Variants in SEPTIN12 observed in about 807,000 individuals in gnomAD.
SEPTIN12 encodes septin-12.
Under a neutral mutation model 37.7 loss-of-function variants are expected in SEPTIN12, and 42 were observed. That is an observed-to-expected ratio of 1.11 (90% CI 0.87 to 1.44). SEPTIN12 has a LOEUF of 1.44. SEPTIN12 is among the 40% of genes most tolerant of loss of function. SEPTIN12 has a pLI of 0.00. For missense variants in SEPTIN12, 613 were observed against 479.2 expected, an observed-to-expected ratio of 1.28 and a Z score of -2.61; for synonymous variants, 254 against 196.7, an observed-to-expected ratio of 1.29 and a Z score of -2.44.
rs766138471 is a variant in SEPTIN12 at position 4,777,875 on chromosome 16, G to A, written c.999C>T (p.Ala333=). ...GGGGGGTGGTCAGCTGTCCTGGGGA[G>A]GCCGGGGCCAGGTTCACCCAGCCGG... The part of the protein sequence containing the change: ...RGPGWVNLAP[A]SPGQLTTPRT... Residue 333 remains alanine (A), a synonymous_variant, in exon 10 of 10, where the codon GCC becomes GCT. Coordinates refer to ENST00000268231, the MANE Select transcript of SEPTIN12 (RefSeq NM_144605.5). The A allele has an allele frequency of 3.1e-6, 5 of 1,597,406 alleles. No individual in the cohort carries two copies. The South Asian group carries it at 3.4e-5, about 11-fold the overall frequency.
chr16:4,779,601 T>C (rs79848476), intron 8 of SEPTIN12, 89 bp downstream of exon 8: 35,972 of 810,074 alleles, frequency 0.044, 953 homozygotes, highest in Middle Eastern at 0.081. Flanking sequence ...CACCTTTCTG[T>C]GCCCTGTGAT....
At chr16:4,785,671 G>A (rs1451233577) in intron 4 of SEPTIN12, 136 bp downstream of exon 4, 5 of 652,004 alleles carry the variant, frequency 7.7e-6, no homozygotes, top group Non-Finnish European at 1.3e-5. Flanking sequence ...CAGCTACTTC[G>A]GGAGGCTGAG....
intron 8 of SEPTIN12, 115 bp from the exon 9 acceptor site, chr16:4,778,252 C>G: frequency 1.9e-6 from 2 of 1,070,822 alleles, no homozygotes; most frequent in Non-Finnish European, 2.8e-6. Context: ...TCTCTTTACC[C>G]TATCCTGCCT....
chr16:4,782,023 T>A (rs1391934963), intron 7 of SEPTIN12, among the ~76,000 whole-genome samples: 1 of 141,252 alleles, frequency 7.1e-6, no homozygotes, highest in Admixed American at 7.6e-5. Context: ...CAATCTCTGC[T>A]CACTGCAACC....
chr16:4,777,684 A>C lies in SEPTIN12; in HGVS notation c.*113T>G. On this transcript the variant is annotated 3_prime_UTR_variant, in exon 10 of 10. Coordinates refer to ENST00000268231, the MANE Select transcript of SEPTIN12 (RefSeq NM_144605.5). ...ACAAAATGCCTTTTGTTTTCAAAGC[A>C]CAGCTTTTCATAAAAAGCAAGGCTC... The C allele has an allele frequency of 1.2e-6, 1 of 836,078 alleles. No individual in the cohort carries two copies. The highest frequency in any genetic ancestry group is 1.7e-5 in the African/African-American group (1 of 58,246). 51.8% of individuals were successfully genotyped at this position (836,078 alleles called of 1,614,324 possible).
intron 8 of SEPTIN12, 137 bp downstream of exon 8, chr16:4,779,553 G>C: frequency 1.4e-6 from 1 of 690,772 alleles, no homozygotes; most frequent in Non-Finnish European, 2.6e-6. Flanking sequence ...CAGCTGGAAA[G>C]AGGGACCATT....
At chr16:4,785,090 A>C (rs968902580) in intron 4 of SEPTIN12, among the ~76,000 whole-genome samples, 1 of 151,660 alleles carries the variant, frequency 6.6e-6, no homozygotes, top group African/African-American at 2.4e-5. Context: ...CTACTAAATA[A>C]ATTCAAAAAA....
intron 2 of SEPTIN12, among the ~76,000 whole-genome samples, chr16:4,786,812 ATTTT>A (rs1224035922): frequency 6.6e-6 from 1 of 151,888 alleles, no homozygotes; most frequent in African/African-American, 2.4e-5. Context: ...TGCCTGGCTA[ATTTT>A]TAAATTTTTT....
upstream of SEPTIN12, chr16:4,788,463 C>T (rs1362950857): frequency 6.6e-6 from 1 of 152,288 alleles, no homozygotes; most frequent in East Asian, 1.9e-4. Flanking sequence ...CCCTTCTAAT[C>T]CCCACAATGA....
chr16:4,785,160 G>C (rs2082422685), intron 4 of SEPTIN12, among the ~76,000 whole-genome samples: 1 of 152,072 alleles, frequency 6.6e-6, no homozygotes, highest in Non-Finnish European at 1.5e-5. Flanking sequence ...TGAGGCAGGA[G>C]AATTGCTTGA....
rs770579576 is a variant in SEPTIN12 at position 4,787,646 on chromosome 16, G to C, written c.-1C>G. The C allele has an allele frequency of 2.6e-6, 4 of 1,560,490 alleles. No homozygotes were observed. The Admixed American group carries it at 7.0e-5, about 27-fold the overall frequency. ...AGGGGGAGCGCCTCAGGGGGTCCATGGGGGCCAAGGGTTCGAGATGCCTGT... is the reference window on the plus strand; with the variant it reads ...AGGGGGAGCGCCTCAGGGGGTCCATCGGGGCCAAGGGTTCGAGATGCCTGT... On this transcript the variant is annotated 5_prime_UTR_variant, in exon 2 of 10. Coordinates refer to ENST00000268231, the MANE Select transcript of SEPTIN12 (RefSeq NM_144605.5).
upstream of SEPTIN12, among the ~76,000 whole-genome samples, chr16:4,791,143 C>G (rs964304237): frequency 6.6e-6 from 1 of 152,214 alleles, no homozygotes; most frequent in Non-Finnish European, 1.5e-5. Context: ...CCCATGTGAG[C>G]GATGGTCTAA....
chr16:4,779,037 C>T (rs1297764999), intron 8 of SEPTIN12, among the ~76,000 whole-genome samples: 6 of 151,844 alleles, frequency 4.0e-5, no homozygotes, highest in African/African-American at 9.7e-5. Context: ...CTTTGGGAGG[C>T]TGAGACAGGA....
In SEPTIN12 at chr16:4,787,086, G is replaced by A. The variant is rs551238958; in HGVS notation, c.166+394C>T. Among the ~76,000 whole-genome samples the A allele has an allele frequency of 1.7e-4, 26 of 152,142 alleles. No individual in the cohort carries two copies. In the East Asian group the frequency reaches 4.8e-3, roughly 28 times the overall value. On this transcript the variant is annotated intron_variant, in intron 2 of 9. Transcript: ENST00000268231. ...AGACGGAGTTTCCCCATGTTGGCCA[G>A]GCTGTTTTCGAACTCCTGACCTCAA...
chr16:4,787,664 A>T lies in SEPTIN12; in HGVS notation c.-19T>A. 1 of 1,478,316 alleles carries T rather than the reference A, an allele frequency of 6.8e-7. No homozygotes were observed. The highest frequency in any genetic ancestry group is 9.2e-7 in the Non-Finnish European group (1 of 1,085,022). The allele number at this position is 1,478,316 out of a possible 1,614,324, so 91.6% of individuals were successfully genotyped here. On this transcript the variant is annotated 5_prime_UTR_variant, in exon 2 of 10. Transcript: ENST00000268231. ...GGTCCATGGGGGCCAAGGGTTCGAG[A>T]TGCCTGTCACCAGGTGGGTGGGGAG...
Position 4,783,575 on chromosome 16 carries a change from GT to G in SEPTIN12, c.631-19del. The stretch of plus-strand genomic sequence containing the variant: ...TGCTGGATCTGGAGATCCCACACAG[GT>G]GACCTCAGCCCACCCTGCCCACTCT... On this transcript the variant is annotated intron_variant, in intron 6 of 9. Coordinates refer to ENST00000268231, the MANE Select transcript of SEPTIN12 (RefSeq NM_144605.5). The G allele has an allele frequency of 6.2e-7, 1 of 1,613,202 alleles. No homozygotes were observed. The highest frequency in any genetic ancestry group is 8.5e-7 in the Non-Finnish European group (1 of 1,179,204).
chr16:4,779,447 C>T lies in SEPTIN12; in HGVS notation c.823+243G>A, dbSNP rs78412937. On this transcript the variant is annotated intron_variant, in intron 8 of 9. Transcript: ENST00000268231. ...GGCATTGTGCAAAATGGTGGTTCTC[C>T]CCGCTCCAACACCCTAGGAAGTTGA... Among the ~76,000 whole-genome samples, 6 of 152,304 alleles carry T rather than the reference C, an allele frequency of 3.9e-5. No homozygotes were observed. The East Asian group carries it at 1.2e-3, about 29-fold the overall frequency.
chr16:4,779,114 G>A (rs2082345053), intron 8 of SEPTIN12, among the ~76,000 whole-genome samples: 1 of 151,970 alleles, frequency 6.6e-6, no homozygotes, highest in Admixed American at 6.6e-5. Flanking sequence ...CTCCAGCTCG[G>A]GTGACACTGC....
upstream of SEPTIN12, among the ~76,000 whole-genome samples, chr16:4,791,419 T>A (rs1328797805): frequency 6.6e-6 from 1 of 152,178 alleles, no homozygotes; most frequent in Non-Finnish European, 1.5e-5. Flanking sequence ...GAGCCTTCCA[T>A]CATGCTTCGA....
Sources: allele counts gnomAD v4.1 joint callset (sites outside exome capture counted in the v4.1 genomes callset), GRCh38; gene constraint gnomAD v4.1.1; transcripts MANE v1.5; gene names NCBI Gene and HGNC (gene_info 2026-07-23, HGNC 2026-07-21).